Variants in CREB5 observed in about 807,000 individuals in gnomAD.
CREB5 encodes the protein cyclic AMP-responsive element-binding protein 5.
A neutral mutation model predicts 57.1 loss-of-function variants in CREB5; 19 were observed. The ratio of observed to expected loss-of-function variants is 0.33; its 90% CI spans 0.23 to 0.49. The LOEUF (loss-of-function observed/expected upper bound fraction) is 0.49. Among genes scored for constraint, CREB5 ranks in the 20% least tolerant of loss-of-function variants. CREB5 has a pLI of 0.99. For missense variants in CREB5, 579 were observed against 671.6 expected (o/e 0.86, Z 1.52); for synonymous variants, 238 against 238.3 (o/e 1.00, Z 0.01).
chr7:28,794,772 CACT>C (rs1807929277), intron 7 of CREB5, among the ~76,000 whole-genome samples: 1 of 151,670 alleles, frequency 6.6e-6, no homozygotes, highest in Non-Finnish European at 1.5e-5. Flanking sequence ...TCACCACCAC[CACT>C]GTCTCTGCCC....
intron 5 of CREB5, among the ~76,000 whole-genome samples, chr7:28,638,467 C>G (rs1405053535): frequency 6.6e-6 from 1 of 151,992 alleles, no homozygotes; most frequent in African/African-American, 2.4e-5. Context: ...CCACCTCAGC[C>G]TCCTAAGTAG....
At chr7:28,521,740 C>T (rs778566123) in intron 4 of CREB5, among the ~76,000 whole-genome samples, 4 of 152,130 alleles carry the variant, frequency 2.6e-5, no homozygotes, top group Admixed American at 2.0e-4. Context: ...CTGCACAATA[C>T]GGTGTCTCTG....
At chr7:28,507,474 G>A in intron 3 of CREB5, 142 bp from the exon 4 acceptor site, 3 of 967,724 alleles carry the variant, frequency 3.1e-6, no homozygotes, top group South Asian at 2.3e-5. Flanking sequence ...ATATCGTTAT[G>A]TTATTTAAAG....
chr7:28,346,835 C>CAGTGGATCTACCACA (rs138391533), intron 1 of CREB5, among the ~76,000 whole-genome samples: 3 of 151,948 alleles, frequency 2.0e-5, no homozygotes, highest in East Asian at 1.9e-4. Context: ...ACATCCACCA[C>CAGTGGATCTACCACA]AGCTACAACT....
At chr7:28,730,298 G>A (rs1265822520) in intron 7 of CREB5, among the ~76,000 whole-genome samples, 3 of 151,896 alleles carry the variant, frequency 2.0e-5, no homozygotes, top group South Asian at 2.1e-4. Flanking sequence ...ATCCTCCCAC[G>A]TACTAGGTGG....
chr7:28,671,401 C>T lies in CREB5; in HGVS notation c.465-47352C>T, dbSNP rs561119966. ...TCCCAGAAAACTGAGGTTCTCTTAT[C>T]GCTTGCTTTAGCATAAGCATAATTT... On this transcript the variant is annotated intron_variant, in intron 5 of 10. Transcript: ENST00000357727. Among the ~76,000 whole-genome samples, 6 of 152,208 alleles carry T rather than the reference C, an allele frequency of 3.9e-5. No homozygotes were observed. The East Asian group carries it at 5.8e-4, about 15-fold the overall frequency.
chr7:28,673,570 C>T (rs1215730250), intron 5 of CREB5, among the ~76,000 whole-genome samples: 1 of 149,216 alleles, frequency 6.7e-6, no homozygotes, highest in East Asian at 2.0e-4. Flanking sequence ...TGCCCATGGG[C>T]AATTTTAGTT....
intron 4 of CREB5, among the ~76,000 whole-genome samples, chr7:28,514,997 G>A (rs901060149): frequency 1.3e-5 from 2 of 152,122 alleles, no homozygotes; most frequent in Admixed American, 1.3e-4. Flanking sequence ...ATATTGCAGA[G>A]TAAAATAGTG....
At position 28,741,973 on chromosome 7, in the gene CREB5, G is replaced by A. The variant is rs1440677592; in HGVS notation, c.702+17641G>A. 2.7e-5 allele frequency among the ~76,000 whole-genome samples: 4 copies of A among 148,658 alleles called. No homozygotes were observed. The East Asian group carries it at 8.0e-4, about 30-fold the overall frequency. On this transcript the variant is annotated intron_variant, in intron 7 of 10. Transcript: ENST00000357727. ...CCCAGCTACTTGGGAGGCGGAGGCA[G>A]AAGAATTGCTTGAACCCGGGAGGCG... is the stretch of plus-strand genomic sequence containing the variant.
Position 28,785,051 on chromosome 7 carries a change from C to T in CREB5, c.703-19148C>T, listed in dbSNP as rs190493981. Among the ~76,000 whole-genome samples the T allele has an allele frequency of 2.5e-3, 384 of 152,254 alleles. 1 individual carries two copies. The highest frequency in any genetic ancestry group is 7.8e-3 in the African/African-American group (326 of 41,536). ...CAGAATCATGCAACCTATTAATAGT[C>T]CTGTACAATTTAAGGAGGCTTTTCT... On this transcript the variant is annotated intron_variant, in intron 7 of 10. Coordinates refer to ENST00000357727, the MANE Select transcript of CREB5 (RefSeq NM_182898.4).
chr7:28,454,319 C>CTG, intron 1 of CREB5, among the ~76,000 whole-genome samples: 1 of 152,260 alleles, frequency 6.6e-6, no homozygotes, highest in African/African-American at 2.4e-5. Context: ...CCAACATGCC[C>CTG]TCCTCTTCCA....
chr7:28,703,878 A>T (rs1801981316), intron 5 of CREB5, among the ~76,000 whole-genome samples: 1 of 152,228 alleles, frequency 6.6e-6, no homozygotes, highest in African/African-American at 2.4e-5. Flanking sequence ...CCCATGGCCC[A>T]GTCAAGTTGA....
intron 4 of CREB5, among the ~76,000 whole-genome samples, chr7:28,520,528 G>A (rs1472857254): frequency 6.6e-6 from 1 of 152,188 alleles, no homozygotes; most frequent in Non-Finnish European, 1.5e-5. Flanking sequence ...CCTTCCCAAC[G>A]GCTGTTTGGT....
intron 4 of CREB5, among the ~76,000 whole-genome samples, chr7:28,559,595 G>A (rs986155526): frequency 3.9e-5 from 6 of 152,282 alleles, no homozygotes; most frequent in East Asian, 1.9e-4. Flanking sequence ...GATTACAGGC[G>A]TGAGCCACCA....
intron 5 of CREB5, among the ~76,000 whole-genome samples, chr7:28,642,217 G>A (rs903775493): frequency 3.9e-5 from 6 of 152,002 alleles, no homozygotes; most frequent in Non-Finnish European, 5.9e-5. Flanking sequence ...ACCTGCTGTC[G>A]GTTCCTTGTG....
Position 28,392,625 on chromosome 7 carries a change from G to A in CREB5, c.-25+93184G>A, listed in dbSNP as rs559510189. Among the ~76,000 whole-genome samples the A allele has an allele frequency of 1.5e-4, 23 of 152,322 alleles. No homozygotes were observed. The South Asian group carries it at 4.8e-3, about 32-fold the overall frequency. On this transcript the variant is annotated intron_variant, in intron 1 of 9. Transcript: ENST00000396299. Reference sequence around the variant, plus strand: ...TTCTAATTCACTCTTGACCTTGACTGATGATAGATCAATATTTCCACTGCC... The same window carrying A: ...TTCTAATTCACTCTTGACCTTGACTAATGATAGATCAATATTTCCACTGCC...
chr7:28,818,354 C>G (rs956178811), intron 10 of CREB5, among the ~76,000 whole-genome samples, 175 bp downstream of exon 10: 2 of 152,182 alleles, frequency 1.3e-5, no homozygotes, highest in Admixed American at 1.3e-4. Context: ...TTTTTTCTGA[C>G]CCCTGTGCAA....
intron 10 of CREB5, 114 bp from the exon 11 acceptor site, chr7:28,819,002 C>T: frequency 8.1e-7 from 1 of 1,227,238 alleles, no homozygotes; most frequent in East Asian, 2.3e-5. Flanking sequence ...TGTGAAACTT[C>T]TATTTCAAGT....
intron 4 of CREB5, among the ~76,000 whole-genome samples, chr7:28,563,074 A>G (rs893553125): frequency 2.0e-5 from 3 of 152,208 alleles, no homozygotes; most frequent in African/African-American, 7.2e-5. Context: ...TCAACTGTAT[A>G]GTAACCATAT....
Sources: allele counts gnomAD v4.1 joint callset (sites outside exome capture counted in the v4.1 genomes callset), GRCh38; gene constraint gnomAD v4.1.1; transcripts MANE v1.5; gene names NCBI Gene and HGNC (gene_info 2026-07-23, HGNC 2026-07-21).